CCAR2: variants seen among roughly 807,000 people sequenced by gnomAD.
CCAR2 encodes the protein cell cycle and apoptosis regulator 2, also known as cell cycle and apoptosis regulator protein 2.
A neutral mutation model predicts 108.1 loss-of-function variants in CCAR2; 21 were observed. The observed-to-expected ratio is 0.19, with a 90% CI of 0.14 to 0.28. CCAR2 has a LOEUF of 0.28. Ranked by LOEUF, CCAR2 falls within the 10% of genes least tolerant of loss-of-function variation. CCAR2 has a pLI of 1.00. For missense variants in CCAR2, 1,126 were observed against 1,177.0 expected, an observed-to-expected ratio of 0.96 and a Z score of 0.63; for synonymous variants, 577 against 472.8, an observed-to-expected ratio of 1.22 and a Z score of -2.86.
chr8:22,611,388 A>ATGTGTGTG (rs145362940), intron 7 of CCAR2, among the ~76,000 whole-genome samples: 74,012 of 128,264 alleles, frequency 0.58, 22,041 homozygotes, highest in East Asian at 0.71. Context: ...AAGTATATAT[A>ATGTGTGTG]TGTGTGTGTG....
intron 1 of CCAR2, 187 bp from the exon 2 acceptor site, chr8:22,605,549 A>C: frequency 1.7e-6 from 1 of 580,644 alleles, no homozygotes; most frequent in South Asian, 2.1e-5. Flanking sequence ...GTCAGGGCAA[A>C]CTGGAACAAT....
chr8:22,621,111 A>G (rs1026809839), downstream of CCAR2: 6 of 317,348 alleles, frequency 1.9e-5, no homozygotes, highest in Non-Finnish European at 3.5e-5. Context: ...TTAGCCAACG[A>G]AGCCCATGGC....
chr8:22,615,186 A>C, intron 11 of CCAR2, 185 bp downstream of exon 11: 3 of 909,816 alleles, frequency 3.3e-6, no homozygotes, highest in Non-Finnish European at 4.8e-6. Flanking sequence ...ACCAGGCTGC[A>C]CTTGAGACTC....
intron 7 of CCAR2, among the ~76,000 whole-genome samples, chr8:22,608,444 A>G (rs983286384): frequency 1.3e-5 from 2 of 152,216 alleles, no homozygotes; most frequent in Non-Finnish European, 2.9e-5. Flanking sequence ...ACACTGCAGT[A>G]TCTGTTCTCG....
rs762676232 is a variant in CCAR2, at chr8:22,615,003, T to TGA, written c.1205+4_1205+5dup. ...TGATTTGAGCGGCTGTACCAAGTGG[T>TGA]GAGTGGGCTTCCTGAGCCTCAGCTG... On this transcript the variant is annotated splice_region_variant and intron_variant, in intron 11 of 20. Coordinates refer to ENST00000308511, the MANE Select transcript of CCAR2 (RefSeq NM_001393997.1). The TGA allele has an allele frequency of 2.6e-6, 4 of 1,560,994 alleles. No homozygotes were observed.
chr8:22,616,325 G>T, intron 14 of CCAR2, 77 bp downstream of exon 14: 1 of 1,376,418 alleles, frequency 7.3e-7, no homozygotes, highest in Non-Finnish European at 1.0e-6. Context: ...TGTTCCGAGC[G>T]CTTCCTGTGC....
intron 8 of CCAR2, 30 bp downstream of exon 8, chr8:22,613,166 C>T (rs199503915): frequency 6.5e-7 from 1 of 1,531,428 alleles, no homozygotes; most frequent in South Asian, 1.2e-5. Context: ...TGGGCTGAGT[C>T]TTGCTGCTGG....
chr8:22,621,208 A>G (rs1449692877), downstream of CCAR2: 2 of 617,662 alleles, frequency 3.2e-6, no homozygotes, highest in Non-Finnish European at 5.6e-6. Flanking sequence ...GGGTTTGTCT[A>G]CACTGCTTAC....
At position 22,614,859 on chromosome 8, in the gene CCAR2, G is replaced by T; in HGVS notation, c.1063G>T (p.Glu355Ter). Residue 355 changes from glutamate (E) to a stop codon, truncating the protein, a stop_gained, in exon 11 of 21, where the codon GAG becomes TAG. Coordinates refer to ENST00000308511, the MANE Select transcript of CCAR2 (RefSeq NM_001393997.1). LOFTEE classifies it high-confidence loss of function. ...GCAGTTTTTGCTGGGCAGGAAAGAAGAGGAGGCAGTGCTGGTTGGGGGTGA... is the reference window on the plus strand; with the variant it reads ...GCAGTTTTTGCTGGGCAGGAAAGAATAGGAGGCAGTGCTGGTTGGGGGTGA... ...QIKFLLGRKEEEAVLVGGEWS... is the reference protein window; with the variant it reads ...QIKFLLGRKE The T allele has an allele frequency of 6.2e-7, 1 of 1,614,066 alleles. No individual in the cohort carries two copies. The highest frequency in any genetic ancestry group is 1.3e-5 in the African/African-American group (1 of 75,068).
intron 1 of CCAR2, 100 bp downstream of exon 1, chr8:22,604,942 C>T: frequency 2.8e-6 from 1 of 351,416 alleles, no homozygotes; most frequent in South Asian, 2.1e-5. Flanking sequence ...ATGCGTGGGG[C>T]GCGGAAGGGG....
At chr8:22,610,920 C>T (rs1282391187) in intron 7 of CCAR2, among the ~76,000 whole-genome samples, 4 of 152,114 alleles carry the variant, frequency 2.6e-5, no homozygotes, top group African/African-American at 4.8e-5. Flanking sequence ...TTTTTCTCCT[C>T]AACTATTTTT....
chr8:22,611,426 GTATA>G (rs201227307), intron 7 of CCAR2, among the ~76,000 whole-genome samples: 10 of 145,580 alleles, frequency 6.9e-5, no homozygotes, highest in Non-Finnish European at 4.4e-5. Flanking sequence ...ATATATGTGT[GTATA>G]TATGTGTGTG....
chr8:22,609,320 A>G (rs1801195547), intron 7 of CCAR2, among the ~76,000 whole-genome samples: 1 of 152,104 alleles, frequency 6.6e-6, no homozygotes, highest in African/African-American at 2.4e-5. Context: ...ATATTTATTT[A>G]TTTTTGTGGG....
intron 5 of CCAR2, 68 bp from the exon 6 acceptor site, chr8:22,607,128 G>A (rs1175493190): frequency 6.2e-7 from 1 of 1,608,546 alleles, no homozygotes; most frequent in African/African-American, 1.3e-5. Context: ...GGGTGGGACT[G>A]CATCTTTCCA....
chr8:22,606,790 G>C, intron 4 of CCAR2, 92 bp downstream of exon 4: 1 of 1,472,112 alleles, frequency 6.8e-7, no homozygotes, highest in Non-Finnish European at 9.5e-7. Context: ...CAAAGCCATT[G>C]CTTTGCTGTT....
At chr8:22,613,189 A>G (rs1801360797) in intron 8 of CCAR2, 53 bp downstream of exon 8, 1 of 1,494,140 alleles carries the variant, frequency 6.7e-7, no homozygotes, top group South Asian at 1.3e-5. Flanking sequence ...ATAGTTTCTT[A>G]TGTAAATGAG....
At position 22,619,734 on chromosome 8, in the gene CCAR2, A is replaced by AGTT. The variant is rs1801688380; in HGVS notation, c.*54_*56dup. The AGTT allele has an allele frequency of 6.5e-7, 1 of 1,541,946 alleles. No individual in the cohort carries two copies. The highest frequency in any genetic ancestry group is 8.8e-7 in the Non-Finnish European group (1 of 1,140,672). On this transcript the variant is annotated 3_prime_UTR_variant, in exon 21 of 21. Transcript: ENST00000308511. ...TGAGGGCAGCGGTGGCGCCCGGCAA[A>AGTT]GTTGGAGCCCTTGCGGTACCAGAAA...
chr8:22,617,381 T>C (rs199680080), intron 14 of CCAR2, 39 bp from the exon 15 acceptor site: 127 of 1,517,360 alleles, frequency 8.4e-5, no homozygotes, highest in Non-Finnish European at 1.1e-4. Context: ...TTATGGTAAC[T>C]GCCTGCCTTT....
In CCAR2 at chr8:22,615,823, CCTG is replaced by C; in HGVS notation, c.1523_1525del (p.Ala508del). ...AGAGGCCCCTCCACCCCCCCTAGAACCTGCTGTCATCGCACGCCCTGGCTGTGT... is the reference window on the plus strand; with the variant it reads ...AGAGGCCCCTCCACCCCCCCTAGAACCTGTCATCGCACGCCCTGGCTGTGT... On this transcript the variant is annotated inframe_deletion, in exon 13 of 21. Transcript: ENST00000308511. 6.2e-7 allele frequency: 1 copy of C among 1,614,036 alleles called. No homozygotes were observed.
Sources: allele counts gnomAD v4.1 joint callset (sites outside exome capture counted in the v4.1 genomes callset), GRCh38; gene constraint gnomAD v4.1.1; transcripts MANE v1.5; gene names NCBI Gene and HGNC (gene_info 2026-07-23, HGNC 2026-07-21).